TK1: variants seen among roughly 807,000 people sequenced by gnomAD.
TK1 encodes the protein thymidine kinase, cytosolic.
Under a neutral mutation model 22.4 loss-of-function variants are expected in TK1, and 13 were observed. The observed-to-expected ratio is 0.58, with a 90% confidence interval of 0.38 to 0.92. The LOEUF is 0.92. Among genes scored for constraint, TK1 ranks in the 40% least tolerant of loss-of-function variants. The pLI is 0.00. For synonymous variants in TK1, 134 were observed against 125.4 expected (o/e 1.07, Z -0.46); for missense variants, 251 against 315.7 (o/e 0.80, Z 1.55).
chr17:78,176,433 G>A (rs2075700353), intron 4 of TK1, among the ~76,000 whole-genome samples: 2 of 152,062 alleles, frequency 1.3e-5, no homozygotes, highest in Non-Finnish European at 2.9e-5. Context: ...GGCTTTCTCA[G>A]CCCAGGTACT....
At chr17:78,179,096 C>CG in intron 4 of TK1, 1 of 936,304 alleles carries the variant, frequency 1.1e-6, no homozygotes, top group Non-Finnish European at 1.3e-6. Flanking sequence ...GTTTCTGCCT[C>CG]GGGGGTCTGG....
chr17:78,174,462 T>C lies in TK1; in HGVS notation c.*297A>G. 2 of 428,052 alleles carry C rather than the reference T, an allele frequency of 4.7e-6. No homozygotes were observed. Among genetic ancestry groups the C allele is most frequent in the Non-Finnish European group, 8.4e-6 (2 of 237,234 alleles). 26.5% of individuals were successfully genotyped at this position (428,052 alleles called of 1,614,324 possible). ...CAGGCTGATGTCAACAGCGTGGGGC[T>C]CTGTCCCTCACCCCAAGGAGAGGGA... On this transcript the variant is annotated 3_prime_UTR_variant, in exon 7 of 7. Transcript: ENST00000301634.
At chr17:78,176,544 T>C (rs2075701101) in intron 4 of TK1, among the ~76,000 whole-genome samples, 1 of 152,068 alleles carries the variant, frequency 6.6e-6, no homozygotes, top group African/African-American at 2.4e-5. Context: ...ACGTGACTGA[T>C]TGCGCTCAGC....
chr17:78,176,238 T>C (rs1422249630), intron 4 of TK1, among the ~76,000 whole-genome samples: 1 of 151,082 alleles, frequency 6.6e-6, no homozygotes, highest in Non-Finnish European at 1.5e-5. Context: ...ACATTTACTG[T>C]GTAAAGCAAA....
At chr17:78,180,940 CT>C (rs1373979996) in intron 4 of TK1, among the ~76,000 whole-genome samples, 43 of 152,306 alleles carry the variant, frequency 2.8e-4, no homozygotes, top group African/African-American at 1.0e-3. Context: ...ATGACCAGCG[CT>C]GCTACTTTTC....
At chr17:78,185,873 G>A (rs879715533) in intron 2 of TK1, among the ~76,000 whole-genome samples, 3 of 152,134 alleles carry the variant, frequency 2.0e-5, no homozygotes, top group Non-Finnish European at 4.4e-5. Context: ...TGTGTGCAGC[G>A]TCAAAAGCAC....
intron 4 of TK1, among the ~76,000 whole-genome samples, chr17:78,179,919 AG>A (rs772294607): frequency 9.9e-5 from 15 of 152,098 alleles, no homozygotes; most frequent in Non-Finnish European, 1.5e-4. Context: ...AAAATACAAA[AG>A]GTTAGCTGGG....
chr17:78,182,517 A>C, intron 4 of TK1, 72 bp downstream of exon 4: 13 of 1,232,092 alleles, frequency 1.1e-5, no homozygotes, highest in Non-Finnish European at 1.4e-5. Context: ...ATAACTTCCA[A>C]GTCAGCGAGG....
rs34529187 is a variant in TK1 at position 78,174,915 on chromosome 17, G to T, written c.549C>A (p.Ser183=). The T allele has an allele frequency of 7.1e-5, 115 of 1,613,868 alleles. No individual in the cohort carries two copies. In the East Asian group the frequency reaches 2.1e-3, roughly 30 times the overall value. Reference sequence around the variant, plus strand: ...TCTTGAAGTAGCAGAGCCGACACACGGAGTGGTACTTGTCTGCTCCCCCAA... The same window carrying T: ...TCTTGAAGTAGCAGAGCCGACACACTGAGTGGTACTTGTCTGCTCCCCCAA... ...EVIGGADKYH[S]VCRLCYFKKA... Residue 183 remains serine (S), a synonymous_variant, in exon 7 of 7, where the codon TCC becomes TCA. Coordinates refer to ENST00000301634, the MANE Select transcript of TK1 (RefSeq NM_003258.5).
intron 4 of TK1, among the ~76,000 whole-genome samples, chr17:78,178,465 G>A (rs574182014): frequency 1.3e-5 from 2 of 152,200 alleles, no homozygotes; most frequent in Non-Finnish European, 2.9e-5. Context: ...TGGCTACTCT[G>A]TGAAAGGCTT....
In TK1 at chr17:78,174,440, G is replaced by A. The variant is rs747363653; in HGVS notation, c.*319C>T. ...GAAAGCCGCAGAGGGGAAGAAGCAGGCTGATGTCAACAGCGTGGGGCTCTG... is the reference window on the plus strand; with the variant it reads ...GAAAGCCGCAGAGGGGAAGAAGCAGACTGATGTCAACAGCGTGGGGCTCTG... On this transcript the variant is annotated 3_prime_UTR_variant, in exon 7 of 7. Coordinates refer to ENST00000301634, the MANE Select transcript of TK1 (RefSeq NM_003258.5). 2.9e-6 allele frequency: 1 copy of A among 343,844 alleles called. No homozygotes were observed. Among genetic ancestry groups the A allele is most frequent in the African/African-American group, 2.1e-5 (1 of 47,014 alleles). 21.3% of individuals were successfully genotyped at this position (343,844 alleles called of 1,614,324 possible).
intron 4 of TK1, chr17:78,179,360 C>A (rs554732553): frequency 2.0e-6 from 2 of 985,420 alleles, no homozygotes; most frequent in East Asian, 2.3e-4. Flanking sequence ...AAGCACGGGG[C>A]AGCAACAACG....
intron 3 of TK1, among the ~76,000 whole-genome samples, chr17:78,184,434 G>C (rs16970907): frequency 0.12 from 18,241 of 152,254 alleles, 1,630 homozygotes; most frequent in East Asian, 0.37. Context: ...AGAAACATCA[G>C]GCCCACATCT....
chr17:78,175,761 G>A (rs1338494399), intron 4 of TK1, 143 bp from the exon 5 acceptor site: 2 of 679,712 alleles, frequency 2.9e-6, no homozygotes, highest in South Asian at 1.8e-5. Context: ...AGGCTCCCCA[G>A]GCCGGGGGAC....
intron 4 of TK1, among the ~76,000 whole-genome samples, chr17:78,177,604 C>T (rs1487070766): frequency 1.3e-5 from 2 of 150,514 alleles, no homozygotes; most frequent in African/African-American, 2.5e-5. Context: ...GACGGAGTCT[C>T]GCTCTGTCGC....
intron 2 of TK1, among the ~76,000 whole-genome samples, chr17:78,186,386 G>C (rs1202993554): frequency 6.6e-6 from 1 of 152,090 alleles, no homozygotes; most frequent in Non-Finnish European, 1.5e-5. Flanking sequence ...AAGCGACTAC[G>C]TTTCCTTGGC....
In TK1 at chr17:78,182,621, C is replaced by T. The variant is rs865910956; in HGVS notation, c.271G>A (p.Val91Met). The T allele has an allele frequency of 2.4e-5, 38 of 1,594,628 alleles. No individual in the cohort carries two copies. Among genetic ancestry groups the T allele is most frequent in the Admixed American group, 8.7e-5 (5 of 57,454 alleles). Residue 91 changes from valine (V) to methionine (M), a missense_variant, in exon 4 of 7, where the codon GTG becomes ATG. By Grantham distance (21) the Val-to-Met change is conservative. Transcript: ENST00000301634. The part of the protein sequence containing the change: ...LRDVAQEALG[V>M]AVIGIDEGQF... ...CCCTCGTCGATGCCTATGACAGCCA[C>T]GCCCAGGGCCTCCTGGGCCACGTCT...
At chr17:78,185,607 C>T (rs1161179446) in intron 2 of TK1, among the ~76,000 whole-genome samples, 2 of 152,114 alleles carry the variant, frequency 1.3e-5, no homozygotes, top group Non-Finnish European at 2.9e-5. Context: ...TCACTGCAAC[C>T]CCTGCCTTCC....
intron 3 of TK1, among the ~76,000 whole-genome samples, chr17:78,184,021 C>G (rs142369977): frequency 2.0e-5 from 3 of 152,368 alleles, no homozygotes; most frequent in Admixed American, 6.5e-5. Context: ...GTTGTACTTC[C>G]AACAGCTGGA....
Sources: gnomAD v4.1 joint callset for allele counts (sites outside exome capture counted in the v4.1 genomes callset) on GRCh38, gnomAD v4.1.1 for gene constraint, MANE v1.5 for transcripts, NCBI Gene and HGNC (gene_info 2026-07-23, HGNC 2026-07-21) for gene names.